TDP1: variants seen among roughly 807,000 people sequenced by gnomAD.
TDP1 encodes tyrosyl-DNA phosphodiesterase 1.
TDP1 carries 64 observed loss-of-function variants against 81.5 expected under a neutral mutation model. The observed-to-expected ratio is 0.79, with a 90% CI of 0.64 to 0.97. The LOEUF (loss-of-function observed/expected upper bound fraction) is 0.97. Among genes scored for constraint, TDP1 ranks in the 50% least tolerant of loss-of-function variants. The pLI is 0.00. For synonymous variants in TDP1, 256 were observed against 264.3 expected (o/e 0.97, Z 0.30); for missense variants, 723 against 743.8 (o/e 0.97, Z 0.33).
intron 14 of TDP1, among the ~76,000 whole-genome samples, chr14:90,017,874 C>T (rs1014708012): frequency 6.6e-5 from 10 of 152,156 alleles, no homozygotes; most frequent in Non-Finnish European, 1.2e-4. Context: ...TATGTCTCAA[C>T]GACGTTATAG....
At chr14:89,967,935 G>T (rs1893141692) in intron 5 of TDP1, among the ~76,000 whole-genome samples, 1 of 150,190 alleles carries the variant, frequency 6.7e-6, no homozygotes, top group Non-Finnish European at 1.5e-5. Context: ...AGGCAATACA[G>T]ACCAAATAGG....
intron 15 of TDP1, among the ~76,000 whole-genome samples, chr14:90,024,825 T>C (rs1190896602): frequency 6.6e-6 from 1 of 152,198 alleles, no homozygotes; most frequent in Non-Finnish European, 1.5e-5. Context: ...CAGGAGTTAA[T>C]ATCTTTTTTT....
chr14:90,006,059 A>G (rs1050834063), intron 14 of TDP1, among the ~76,000 whole-genome samples: 1 of 152,160 alleles, frequency 6.6e-6, no homozygotes, highest in African/African-American at 2.4e-5. Context: ...AGAGTCCAAC[A>G]TGGCTATGAA....
intron 7 of TDP1, among the ~76,000 whole-genome samples, chr14:89,978,281 A>G (rs1894582148): frequency 6.6e-6 from 1 of 152,166 alleles, no homozygotes; most frequent in Non-Finnish European, 1.5e-5. Context: ...CCGCTGGCCC[A>G]CTTTGTGACC....
At chr14:90,027,560 A>G (rs910630317) in intron 15 of TDP1, among the ~76,000 whole-genome samples, 1 of 152,150 alleles carries the variant, frequency 6.6e-6, no homozygotes, top group Admixed American at 6.6e-5. Context: ...CCTGGGATCT[A>G]CTGCTCTTTG....
At chr14:90,023,094 C>G (rs763776167) in intron 15 of TDP1, 1 of 761,388 alleles carries the variant, frequency 1.3e-6, no homozygotes, top group Non-Finnish European at 2.4e-6. Flanking sequence ...CATGGATAAG[C>G]TGAGGAAACA....
intron 12 of TDP1, among the ~76,000 whole-genome samples, chr14:89,990,544 G>GC (rs1471915082): frequency 1.6e-5 from 2 of 125,838 alleles, no homozygotes; most frequent in African/African-American, 3.2e-5. Flanking sequence ...GAGTGTATTA[G>GC]CCCTTTTTTT....
intron 16 of TDP1, among the ~76,000 whole-genome samples, chr14:90,034,148 C>G (rs1887593333): frequency 6.6e-6 from 1 of 152,154 alleles, no homozygotes. Context: ...TTTTGCAAGC[C>G]TCTTTATGTG....
At position 90,044,625 on chromosome 14, in the gene TDP1, G is replaced by C. The variant is rs557988603; in HGVS notation, c.*1482G>C. The C allele has an allele frequency of 6.6e-6, 1 of 152,342 alleles. No homozygotes were observed. The highest frequency in any genetic ancestry group is 2.4e-5 in the African/African-American group (1 of 41,454). 9.4% of individuals were successfully genotyped at this position (152,342 alleles called of 1,614,324 possible). On this transcript the variant is annotated 3_prime_UTR_variant, in exon 17 of 17. Coordinates refer to ENST00000335725, the MANE Select transcript of TDP1 (RefSeq NM_018319.4). ...GAGCAGGAGGCAGGGAGACAGGGCT[G>C]CAGGGCCTCCCACCTTCCAACAGAC... is the stretch of plus-strand genomic sequence containing the variant.
Position 90,012,074 on chromosome 14 carries a change from C to T in TDP1, c.1542-7242C>T, listed in dbSNP as rs111738056. On this transcript the variant is annotated intron_variant, in intron 14 of 16. Transcript: ENST00000335725. ...TTGTGCAGTCTTGGGACTTGGTGCC[C>T]TGCATCCCAGGCATGGCTAAAAGGT... 3.8e-3 allele frequency among the ~76,000 whole-genome samples: 586 copies of T among 152,344 alleles called. 2 individuals carry two copies. Among genetic ancestry groups the T allele is most frequent in the African/African-American group, 0.014 (566 of 41,586 alleles).
chr14:90,029,238 C>T (rs1886993385), intron 15 of TDP1, among the ~76,000 whole-genome samples: 1 of 147,380 alleles, frequency 6.8e-6, no homozygotes, highest in South Asian at 2.1e-4. Context: ...CGCTTTGTCA[C>T]CCAGGCTGGA....
chr14:90,031,208 T>C, intron 15 of TDP1, among the ~76,000 whole-genome samples: 1 of 151,558 alleles, frequency 6.6e-6, no homozygotes, highest in East Asian at 1.9e-4. Context: ...GCTGCACCCA[T>C]TAACTTGTCA....
chr14:90,025,221 T>G (rs1409080461), intron 15 of TDP1, among the ~76,000 whole-genome samples: 1 of 152,188 alleles, frequency 6.6e-6, no homozygotes, highest in African/African-American at 2.4e-5. Flanking sequence ...CCCACAGCCA[T>G]GATTAGGACC....
intron 8 of TDP1, chr14:89,984,099 A>C (rs922908496): frequency 9.1e-6 from 9 of 985,376 alleles, no homozygotes; most frequent in Non-Finnish European, 9.6e-6. Flanking sequence ...GACAAGGGCA[A>C]ATTCTTGCTT....
At chr14:90,037,578 C>A (rs1887947070) in intron 16 of TDP1, among the ~76,000 whole-genome samples, 1 of 152,030 alleles carries the variant, frequency 6.6e-6, no homozygotes, top group East Asian at 1.9e-4. Context: ...ACAAAGAATT[C>A]CTGCACACTC....
At chr14:90,010,605 T>A (rs1884591175) in intron 14 of TDP1, among the ~76,000 whole-genome samples, 1 of 152,128 alleles carries the variant, frequency 6.6e-6, no homozygotes, top group Admixed American at 6.5e-5. Context: ...GAAAAAGGAC[T>A]CAGCTAACCT....
intron 14 of TDP1, among the ~76,000 whole-genome samples, chr14:90,004,525 A>G (rs1310709516): frequency 6.6e-6 from 1 of 152,214 alleles, no homozygotes; most frequent in Non-Finnish European, 1.5e-5. Context: ...AAGCATAGAG[A>G]GCTTAAATAG....
chr14:89,993,821 TTAA>T (rs1427632215), intron 14 of TDP1, among the ~76,000 whole-genome samples: 1 of 152,218 alleles, frequency 6.6e-6, no homozygotes, highest in African/African-American at 2.4e-5. Flanking sequence ...TATTTTTTTC[TTAA>T]TTAGTTTCTC....
chr14:89,961,293 C>G (rs542061868), intron 2 of TDP1, among the ~76,000 whole-genome samples: 1 of 152,196 alleles, frequency 6.6e-6, no homozygotes, highest in Non-Finnish European at 1.5e-5. Context: ...GGTTTCTTTT[C>G]AGGAGAAAGT....
Sources: allele counts gnomAD v4.1 joint callset (sites outside exome capture counted in the v4.1 genomes callset), GRCh38; gene constraint gnomAD v4.1.1; transcripts MANE v1.5; gene names NCBI Gene and HGNC (gene_info 2026-07-23, HGNC 2026-07-21).